The following FAM221A variants were observed in gnomAD, a reference collection of about 807,000 sequenced individuals.
FAM221A encodes the protein family with sequence similarity 221 member A, also known as protein FAM221A.
FAM221A carries 43 observed loss-of-function variants against 37.6 expected under a neutral mutation model. The ratio of observed to expected loss-of-function variants is 1.15; its 90% CI spans 0.90 to 1.48. The LOEUF (loss-of-function observed/expected upper bound fraction) is 1.48. FAM221A is among the 40% of genes most tolerant of loss of function. The pLI is 0.00. For missense variants in FAM221A, 361 were observed against 361.5 expected, an observed-to-expected ratio of 1.00 and a Z score of 0.01; for synonymous variants, 135 against 132.9, an observed-to-expected ratio of 1.02 and a Z score of -0.11.
rs765869886 is a variant in FAM221A, at chr7:23,684,483, T to C, written c.66-16T>C. 9.8e-5 allele frequency: 152 copies of C among 1,552,684 alleles called. No homozygotes were observed. The highest frequency in any genetic ancestry group is 1.3e-4 in the Non-Finnish European group (151 of 1,142,458). On this transcript the variant is annotated splice_polypyrimidine_tract_variant and intron_variant, in intron 1 of 6. Transcript: ENST00000344962. ...AAATACTCAAAGCTTAAGAGAAATATATATTTTTGTTGTAGAATTGTTGGT... is the reference window on the plus strand; with the variant it reads ...AAATACTCAAAGCTTAAGAGAAATACATATTTTTGTTGTAGAATTGTTGGT...
intron 5 of FAM221A, among the ~76,000 whole-genome samples, chr7:23,699,259 A>G (rs1785249849): frequency 6.6e-6 from 1 of 150,614 alleles, no homozygotes; most frequent in East Asian, 2.0e-4. Flanking sequence ...CTAGGAGTAC[A>G]GGTGTGCCCC....
intron 2 of FAM221A, chr7:23,688,232 G>C (rs998289172): frequency 6.6e-6 from 1 of 151,950 alleles, no homozygotes; most frequent in Non-Finnish European, 1.5e-5. Context: ...TTTTAGTAGA[G>C]ACGGAGGGTT....
intron 6 of FAM221A, 144 bp from the exon 7 acceptor site, chr7:23,701,952 C>T: frequency 2.3e-6 from 1 of 431,564 alleles, no homozygotes; most frequent in Non-Finnish European, 4.2e-6. Flanking sequence ...TAATTATGTC[C>T]CTTTAACAGA....
intron 4 of FAM221A, among the ~76,000 whole-genome samples, chr7:23,696,332 C>T (rs1257458121): frequency 6.6e-6 from 1 of 152,172 alleles, no homozygotes; most frequent in Non-Finnish European, 1.5e-5. Flanking sequence ...CTGAGGCAGG[C>T]AGATCGCTTG....
In FAM221A at chr7:23,702,440, A is replaced by G; in HGVS notation, c.*276A>G. On this transcript the variant is annotated 3_prime_UTR_variant, in exon 7 of 7. Transcript: ENST00000344962. The stretch of plus-strand genomic sequence containing the variant: ...AGAGTACAGTAAATGTTTTTAGTAC[A>G]TAATAATTTAACTGTTTCAGGTATT... 1 of 205,958 alleles carries G rather than the reference A, an allele frequency of 4.9e-6. No homozygotes were observed. The highest frequency in any genetic ancestry group is 1.1e-4 in the East Asian group (1 of 9,342). The allele number at this position is 205,958 out of a possible 1,614,324, so 12.8% of individuals were successfully genotyped here.
intron 1 of FAM221A, among the ~76,000 whole-genome samples, chr7:23,684,000 C>T (rs1000979055): frequency 6.6e-6 from 1 of 152,186 alleles, no homozygotes; most frequent in Non-Finnish European, 1.5e-5. Flanking sequence ...TGAAGACCTT[C>T]CTCTGGAGCC....
At chr7:23,691,689 A>T in intron 4 of FAM221A, 93 bp downstream of exon 4, 1 of 1,083,766 alleles carries the variant, frequency 9.2e-7, no homozygotes. Flanking sequence ...AATTTATAGT[A>T]TTTTTCTTTC....
chr7:23,697,874 T>G (rs373843528), intron 4 of FAM221A, among the ~76,000 whole-genome samples: 3 of 152,094 alleles, frequency 2.0e-5, no homozygotes, highest in East Asian at 3.9e-4. Flanking sequence ...GCTTTACCCT[T>G]CCAAGTAGGT....
chr7:23,700,835 T>G lies in FAM221A; in HGVS notation c.795T>G (p.Asp265Glu), dbSNP rs755508304. The change falls in exon 6 of 7, where the codon GAT becomes GAG. Residue 265 changes from aspartate (D) to glutamate (E), a missense_variant. By Grantham distance (45) the Asp-to-Glu change is conservative. Coordinates refer to ENST00000344962, the MANE Select transcript of FAM221A (RefSeq NM_199136.5). The stretch of plus-strand genomic sequence containing the variant: ...CATTAAGGAGACCTGAAGAGGATGA[T>G]ATGGCTTTCTTTGAAAGACGATACC... ...VSSLRRPEED[D>E]MAFFERRYQE... The G allele has an allele frequency of 1.2e-6, 2 of 1,609,674 alleles. No homozygotes were observed. The highest frequency in any genetic ancestry group is 1.7e-6 in the Non-Finnish European group (2 of 1,178,764).
chr7:23,691,666 A>G (rs765439439), intron 4 of FAM221A, 70 bp downstream of exon 4: 40 of 1,279,224 alleles, frequency 3.1e-5, no homozygotes, highest in Non-Finnish European at 4.0e-5. Flanking sequence ...GTGAAGCCTT[A>G]TATTTGTTAA....
intron 2 of FAM221A, among the ~76,000 whole-genome samples, chr7:23,685,326 A>C (rs772952027): frequency 1.3e-5 from 2 of 152,156 alleles, no homozygotes; most frequent in Non-Finnish European, 1.5e-5. Flanking sequence ...AATTATCTAA[A>C]GGTTTTTAAA....
At chr7:23,686,281 TGAG>T in intron 2 of FAM221A, 1 of 436,388 alleles carries the variant, frequency 2.3e-6, no homozygotes, top group Non-Finnish European at 4.5e-6. Context: ...TTTTTTTTTT[TGAG>T]ACAGGGTCTT....
chr7:23,692,726 G>A (rs1292869503), intron 4 of FAM221A: 1 of 982,566 alleles, frequency 1.0e-6, no homozygotes, highest in Non-Finnish European at 1.2e-6. Context: ...AAACACCCTT[G>A]AATACTTCTC....
chr7:23,700,796 T>C lies in FAM221A; in HGVS notation c.756T>C (p.Ser252=), dbSNP rs757901893. The C allele has an allele frequency of 1.9e-6, 3 of 1,599,740 alleles. No individual in the cohort carries two copies. The highest frequency in any genetic ancestry group is 2.6e-6 in the Non-Finnish European group (3 of 1,173,034). ...TTTTTTCCTTGTTAGTAGGTACAAGTAGTCAAGTTTCTTCATTAAGGAGAC... is the reference window on the plus strand; with the variant it reads ...TTTTTTCCTTGTTAGTAGGTACAAGCAGTCAAGTTTCTTCATTAAGGAGAC... The part of the protein sequence containing the change: ...SPETLTDVGT[S]SQVSSLRRPE... The change falls in exon 6 of 7, where the codon AGT becomes AGC. Residue 252 remains serine, a synonymous_variant. Transcript: ENST00000344962.
intron 2 of FAM221A, among the ~76,000 whole-genome samples, chr7:23,685,307 C>CAAAA (rs1195773426): frequency 6.7e-6 from 1 of 149,248 alleles, no homozygotes; most frequent in Admixed American, 6.6e-5. Context: ...CAAAACAAAA[C>CAAAA]CCCACAAAAA....
intron 4 of FAM221A, chr7:23,693,532 TA>T (rs1437505070): frequency 4.6e-5 from 7 of 152,106 alleles, no homozygotes; most frequent in African/African-American, 9.6e-5. Context: ...ATATTCTGTA[TA>T]TTTTTTTGTT....
intron 1 of FAM221A, among the ~76,000 whole-genome samples, chr7:23,681,631 C>G (rs1414535202): frequency 2.0e-5 from 3 of 152,134 alleles, no homozygotes; most frequent in Non-Finnish European, 4.4e-5. Context: ...TGGTCTTGAA[C>G]TCCTGGACTC....
Position 23,680,257 on chromosome 7 carries a change from G to A in FAM221A, c.39G>A (p.Ala13=). 6.5e-7 allele frequency: 1 copy of A among 1,549,052 alleles called. No homozygotes were observed. Among genetic ancestry groups the A allele is most frequent in the Admixed American group, 2.0e-5 (1 of 50,942 alleles). The part of the protein sequence containing the change: ...RLTLPLGGAA[A]VDEYLEYRRI... ...CGTTGCCTCTCGGCGGCGCGGCGGC[G>A]GTGGACGAGTACCTGGAGTACCGGA... Residue 13 remains alanine (A), a synonymous_variant, in exon 1 of 7, where the codon GCG becomes GCA. Coordinates refer to ENST00000344962, the MANE Select transcript of FAM221A (RefSeq NM_199136.5).
intron 3 of FAM221A, among the ~76,000 whole-genome samples, chr7:23,689,978 A>G (rs1784615652): frequency 2.6e-5 from 4 of 151,876 alleles, no homozygotes; most frequent in Non-Finnish European, 2.9e-5. Flanking sequence ...CATCCATTCA[A>G]CTAGGTAGAG....
Sources: allele counts gnomAD v4.1 joint callset (sites outside exome capture counted in the v4.1 genomes callset), GRCh38; gene constraint gnomAD v4.1.1; transcripts MANE v1.5; gene names NCBI Gene and HGNC (gene_info 2026-07-23, HGNC 2026-07-21).